Variants in NEO1 observed in about 807,000 individuals in gnomAD.
NEO1 encodes neogenin.
Under a neutral mutation model 159.7 loss-of-function variants are expected in NEO1, and 63 were observed. The ratio of observed to expected loss-of-function variants is 0.39; its 90% CI spans 0.32 to 0.49. NEO1 has a LOEUF of 0.49. Ranked by LOEUF, NEO1 falls within the 20% of genes least tolerant of loss-of-function variation. The pLI, the probability that NEO1 is intolerant of heterozygous loss-of-function variation, is 0.85. For synonymous variants in NEO1, 633 were observed against 662.0 expected, an observed-to-expected ratio of 0.96 and a Z score of 0.67; for missense variants, 1,615 against 1,831.0, an observed-to-expected ratio of 0.88 and a Z score of 2.15.
chr15:73,199,032 A>G (rs1447569160), intron 7 of NEO1, among the ~76,000 whole-genome samples: 1 of 147,732 alleles, frequency 6.8e-6, no homozygotes, highest in African/African-American at 2.5e-5. Context: ...CCAGGATCCT[A>G]TCTAGGATGC....
At chr15:73,164,115 C>A (rs1208014736) in intron 5 of NEO1, among the ~76,000 whole-genome samples, 1 of 151,154 alleles carries the variant, frequency 6.6e-6, no homozygotes, top group Non-Finnish European at 1.5e-5. Context: ...GCAACCTCTG[C>A]CTCCCATGTT....
intron 26 of NEO1, among the ~76,000 whole-genome samples, chr15:73,297,148 C>T (rs181244833): frequency 2.0e-5 from 3 of 152,306 alleles, no homozygotes; most frequent in Admixed American, 1.3e-4. Context: ...CTCCCCGGGC[C>T]TTGGTGCTGC....
chr15:73,153,492 A>G (rs1278519183), intron 5 of NEO1, among the ~76,000 whole-genome samples: 1 of 152,254 alleles, frequency 6.6e-6, no homozygotes, highest in Non-Finnish European at 1.5e-5. Context: ...TTTGTGAAGC[A>G]TTGGCCCTAC....
intron 4 of NEO1, among the ~76,000 whole-genome samples, chr15:73,126,829 G>A (rs2030322030): frequency 6.6e-6 from 1 of 152,184 alleles, no homozygotes; most frequent in East Asian, 1.9e-4. Context: ...AAGTCTTCAG[G>A]ATTTTCTTCC....
intron 27 of NEO1, among the ~76,000 whole-genome samples, chr15:73,299,579 G>A (rs2042528668): frequency 6.6e-6 from 1 of 152,070 alleles, no homozygotes; most frequent in Non-Finnish European, 1.5e-5. Flanking sequence ...TAGAGACGGG[G>A]TTTCACCACA....
intron 14 of NEO1, 95 bp downstream of exon 14, chr15:73,258,971 C>A: frequency 9.8e-7 from 1 of 1,022,840 alleles, no homozygotes; most frequent in Non-Finnish European, 1.5e-6. Flanking sequence ...GTGGATATGG[C>A]TCAAGTCTGT....
chr15:73,263,618 C>CT (rs752785443), intron 15 of NEO1, among the ~76,000 whole-genome samples: 1 of 151,888 alleles, frequency 6.6e-6, no homozygotes, highest in African/African-American at 2.4e-5. Context: ...TTTTGAAACA[C>CT]TTGTTTCTAA....
At chr15:73,136,534 T>C (rs1250540591) in intron 5 of NEO1, among the ~76,000 whole-genome samples, 4 of 152,162 alleles carry the variant, frequency 2.6e-5, no homozygotes, top group Admixed American at 2.6e-4. Context: ...CCTTTTCTTT[T>C]GGGTGAACAG....
intron 5 of NEO1, among the ~76,000 whole-genome samples, chr15:73,175,419 A>G (rs887107820): frequency 1.3e-5 from 2 of 152,260 alleles, no homozygotes; most frequent in African/African-American, 2.4e-5. Flanking sequence ...TAAAACATTT[A>G]TGAAAGAAAT....
chr15:73,249,301 A>AG (rs1233362622), intron 10 of NEO1, 93 bp downstream of exon 10: 29 of 1,331,420 alleles, frequency 2.2e-5, no homozygotes, highest in Admixed American at 8.6e-5. Flanking sequence ...TGGAAATGTG[A>AG]GGGGGAAAAA....
chr15:73,056,370 T>A (rs753747762), intron 1 of NEO1, among the ~76,000 whole-genome samples: 2 of 152,268 alleles, frequency 1.3e-5, no homozygotes, highest in Non-Finnish European at 2.9e-5. Flanking sequence ...TTATGGTCAC[T>A]ATTCTGTGTT....
At chr15:73,158,080 T>C (rs2033906007) in intron 5 of NEO1, among the ~76,000 whole-genome samples, 1 of 151,978 alleles carries the variant, frequency 6.6e-6, no homozygotes, top group Non-Finnish European at 1.5e-5. Context: ...GCTGGCTTGG[T>C]AGTGCATGCC....
chr15:73,189,145 A>G (rs972524761), intron 7 of NEO1, among the ~76,000 whole-genome samples: 5 of 152,146 alleles, frequency 3.3e-5, no homozygotes, highest in African/African-American at 9.7e-5. Context: ...ATGACATCTT[A>G]CCCATTGAAT....
At chr15:73,257,087 G>A (rs1275509990) in intron 13 of NEO1, among the ~76,000 whole-genome samples, 1 of 123,340 alleles carries the variant, frequency 8.1e-6, no homozygotes, top group Non-Finnish European at 1.6e-5. Context: ...AGCCGTGATT[G>A]TGCCACTGCA....
At chr15:73,199,351 T>A (rs1252635377) in intron 7 of NEO1, among the ~76,000 whole-genome samples, 1 of 152,016 alleles carries the variant, frequency 6.6e-6, no homozygotes, top group African/African-American at 2.4e-5. Flanking sequence ...TTTATCAGAT[T>A]TCTCCACCAT....
chr15:73,282,088 C>T (rs1305612638), intron 22 of NEO1, among the ~76,000 whole-genome samples: 2 of 152,118 alleles, frequency 1.3e-5, no homozygotes, highest in Non-Finnish European at 2.9e-5. Flanking sequence ...ATTTCTCTTC[C>T]TTGAGAAGAG....
intron 21 of NEO1, among the ~76,000 whole-genome samples, chr15:73,276,545 G>A (rs1286071213): frequency 6.6e-6 from 1 of 152,202 alleles, no homozygotes; most frequent in African/African-American, 2.4e-5. Context: ...AGTAATATGT[G>A]TGGACAATGG....
chr15:73,069,067 C>T (rs1484798041), intron 1 of NEO1, among the ~76,000 whole-genome samples: 2 of 151,490 alleles, frequency 1.3e-5, no homozygotes, highest in African/African-American at 4.9e-5. Context: ...ATCCTCCCCC[C>T]TTCAGCCTCC....
At chr15:73,096,541 A>G (rs981194643) in intron 1 of NEO1, among the ~76,000 whole-genome samples, 2 of 152,214 alleles carry the variant, frequency 1.3e-5, no homozygotes, top group African/African-American at 4.8e-5. Context: ...GCCAAGGCAT[A>G]TTGCTTATTG....
Sources: gnomAD v4.1 joint callset for allele counts (sites outside exome capture counted in the v4.1 genomes callset) on GRCh38, gnomAD v4.1.1 for gene constraint, MANE v1.5 for transcripts, NCBI Gene and HGNC (gene_info 2026-07-23, HGNC 2026-07-21) for gene names.